Variants in RCN2 observed in about 807,000 individuals in gnomAD.
The protein encoded by RCN2 is reticulocalbin-2.
RCN2 carries 23 observed loss-of-function variants against 37.5 expected under a neutral mutation model. That is an observed-to-expected ratio of 0.61 (90% confidence interval 0.44 to 0.87). The LOEUF is 0.87. Among genes scored for constraint, RCN2 ranks in the 40% least tolerant of loss-of-function variants. RCN2 has a pLI of 0.00. For missense variants in RCN2, 381 were observed against 390.4 expected, an observed-to-expected ratio of 0.98 and a Z score of 0.20; for synonymous variants, 140 against 144.6, an observed-to-expected ratio of 0.97 and a Z score of 0.23.
Position 76,931,898 on chromosome 15 carries a change from G to A in RCN2, c.57G>A (p.Ala19=), listed in dbSNP as rs756265024. 6 of 1,321,038 alleles carry A rather than the reference G, an allele frequency of 4.5e-6. No individual in the cohort carries two copies. The highest frequency in any genetic ancestry group is 1.9e-5 in the South Asian group (1 of 52,326). 81.8% of individuals were successfully genotyped at this position (1,321,038 alleles called of 1,614,324 possible). The change falls in exon 1 of 7, where the codon GCG becomes GCA. Residue 19 remains alanine, a synonymous_variant. Coordinates refer to ENST00000394885, the MANE Select transcript of RCN2 (RefSeq NM_002902.3). ...ALGLLLLCAA[A]AGAGKAEELH... is the part of the protein sequence containing the mutation. Reference sequence around the variant, plus strand: ...GGCTGCTGCTGCTGTGCGCCGCCGCGGCCGGCGCCGGCAAGGCCGAGGAGC... The same window carrying A: ...GGCTGCTGCTGCTGTGCGCCGCCGCAGCCGGCGCCGGCAAGGCCGAGGAGC...
intron 2 of RCN2, among the ~76,000 whole-genome samples, chr15:76,933,999 T>G (rs2075236263): frequency 6.6e-6 from 1 of 152,182 alleles, no homozygotes; most frequent in Non-Finnish European, 1.5e-5. Context: ...TAGTGATGAT[T>G]ATAATTGCAT....
chr15:76,935,658 A>G lies in RCN2; in HGVS notation c.383A>G (p.Asp128Gly). 6.2e-7 allele frequency: 1 copy of G among 1,614,072 alleles called. No individual in the cohort carries two copies. Among genetic ancestry groups the G allele is most frequent in the Middle Eastern group, 1.6e-4 (1 of 6,062 alleles). The change falls in exon 3 of 7, where the codon GAT (aspartate) becomes GGT (glycine). Residue 128 changes from aspartate (D) to glycine (G), a missense_variant. Asp to Gly is a moderately conservative substitution (Grantham distance 94, BLOSUM62 -1). Transcript: ENST00000394885. The stretch of plus-strand genomic sequence containing the variant: ...GATGAATATAACATTCAGATGTATG[A>G]TCGTGTGATTGACTTTGATGAGAAC... ...TWDEYNIQMY[D>G]RVIDFDENTA... is the part of the protein sequence containing the mutation.
intron 3 of RCN2, chr15:76,938,939 G>A (rs1160041771): frequency 8.6e-6 from 3 of 350,666 alleles, no homozygotes; most frequent in Non-Finnish European, 1.8e-5. Context: ...AGCCAAGGTG[G>A]GAGAATCACT....
intron 2 of RCN2, among the ~76,000 whole-genome samples, chr15:76,933,881 C>T (rs1192732202): frequency 6.6e-6 from 1 of 152,192 alleles, no homozygotes; most frequent in African/African-American, 2.4e-5. Context: ...GGTAGCAAAA[C>T]TCAGTAGGAG....
intron 6 of RCN2, chr15:76,948,866 G>T: frequency 1.7e-6 from 1 of 590,222 alleles, no homozygotes. Flanking sequence ...AGTGGAGAGA[G>T]ACAGAACCCA....
intron 3 of RCN2, 22 bp downstream of exon 3, chr15:76,935,744 G>T (rs1176143867): frequency 6.3e-7 from 1 of 1,583,510 alleles, no homozygotes. Context: ...TGCACAAGCT[G>T]TTTCTTTTGA....
chr15:76,932,531 C>G, intron 2 of RCN2, 65 bp downstream of exon 2: 1 of 1,106,276 alleles, frequency 9.0e-7, no homozygotes, highest in South Asian at 1.3e-5. Flanking sequence ...GCGGTGTCTG[C>G]TGAATGTATA....
rs549325285 is a variant in RCN2 at position 76,949,971 on chromosome 15, T to A, written c.*749T>A. On this transcript the variant is annotated 3_prime_UTR_variant, in exon 7 of 7. Transcript: ENST00000394885. ...ATTTAGCATAGGTTTTGTGGTATTG[T>A]ACATTATCTTGCCTCATCCATTCCT... 661 of 152,774 alleles carry A rather than the reference T, an allele frequency of 4.3e-3. 7 individuals are homozygous for A. Among genetic ancestry groups the A allele is most frequent in the African/African-American group, 0.015 (629 of 41,584 alleles). The allele number at this position is 152,774 out of a possible 1,614,324, so 9.5% of individuals were successfully genotyped here.
chr15:76,947,551 G>C (rs1596007119), intron 5 of RCN2, 34 bp downstream of exon 5: 2 of 1,338,482 alleles, frequency 1.5e-6, no homozygotes, highest in East Asian at 4.6e-5. Context: ...AAAGAGAAAA[G>C]GAATTGAAGA....
rs1164434395 is a variant in RCN2 at position 76,932,004 on chromosome 15, T to G, written c.144+19T>G. 2 of 1,252,354 alleles carry G rather than the reference T, an allele frequency of 1.6e-6. No individual in the cohort carries two copies. Among genetic ancestry groups the G allele is most frequent in the Non-Finnish European group, 1.0e-6 (1 of 1,002,214 alleles). 77.6% of individuals were successfully genotyped at this position (1,252,354 alleles called of 1,614,324 possible). On this transcript the variant is annotated intron_variant, in intron 1 of 6. Transcript: ENST00000394885. ...CGTCCAGGTGAGGCGGCCAGGCCGGTGCTGGGAGGGCCGGGCCTCGCACCG... is the reference window on the plus strand; with the variant it reads ...CGTCCAGGTGAGGCGGCCAGGCCGGGGCTGGGAGGGCCGGGCCTCGCACCG...
intron 3 of RCN2, among the ~76,000 whole-genome samples, chr15:76,936,394 G>C (rs1047820649): frequency 7.9e-5 from 12 of 152,084 alleles, no homozygotes; most frequent in Non-Finnish European, 1.8e-4. Context: ...TGTGGCGGGG[G>C]GGTGGGGAAT....
intron 3 of RCN2, among the ~76,000 whole-genome samples, chr15:76,938,007 G>A (rs1231869552): frequency 6.6e-6 from 1 of 152,080 alleles, no homozygotes; most frequent in African/African-American, 2.4e-5. Flanking sequence ...CAGAGTACAT[G>A]TGATATTTTG....
Position 76,951,448 on chromosome 15 carries a change from A to G in RCN2, c.*2226A>G, listed in dbSNP as rs960138053. 2 of 152,206 alleles carry G rather than the reference A, an allele frequency of 1.3e-5. No individual in the cohort carries two copies. The highest frequency in any genetic ancestry group is 4.8e-5 in the African/African-American group (2 of 41,458). The allele number at this position is 152,206 out of a possible 1,614,324, so 9.4% of individuals were successfully genotyped here. The stretch of plus-strand genomic sequence containing the variant: ...TCCACAGTGGGCTTTGTATGATCAA[A>G]AAATAAGCTTTTAATTATGTTAAGC... On this transcript the variant is annotated 3_prime_UTR_variant, in exon 7 of 7. Transcript: ENST00000394885.
In RCN2 at chr15:76,953,597, T is replaced by TA. The variant is rs2075334103; in HGVS notation, c.*4375_*4376insA. On this transcript the variant is annotated 3_prime_UTR_variant, in exon 7 of 7. Coordinates refer to ENST00000394885, the MANE Select transcript of RCN2 (RefSeq NM_002902.3). The stretch of plus-strand genomic sequence containing the variant: ...TATATATATATATATATATATATTT[T>TA]TTTTTTTTTTTTTTTTTTTTTTTTT... 2.6e-5 allele frequency: 1 copy of TA among 38,112 alleles called. No homozygotes were observed. Among genetic ancestry groups the TA allele is most frequent in the Non-Finnish European group, 4.8e-5 (1 of 20,906 alleles). 2.4% of individuals were successfully genotyped at this position (38,112 alleles called of 1,614,324 possible).
intron 2 of RCN2, 27 bp from the exon 3 acceptor site, chr15:76,935,499 G>A (rs1397684790): frequency 7.7e-6 from 12 of 1,559,998 alleles, no homozygotes; most frequent in Non-Finnish European, 1.1e-5. Context: ...AACGTCACAT[G>A]CGTTGTGTTC....
chr15:76,932,359 A>G lies in RCN2; in HGVS notation c.145-2A>G. The G allele has an allele frequency of 6.2e-7, 1 of 1,610,748 alleles. No individual in the cohort carries two copies. Among genetic ancestry groups the G allele is most frequent in the Non-Finnish European group, 8.5e-7 (1 of 1,177,130 alleles). On this transcript the variant is annotated splice_acceptor_variant, in intron 1 of 6. Transcript: ENST00000394885. LOFTEE classifies it high-confidence loss of function. ...CCTCCTGTGTGTCGCTTCCCCCTAA[A>G]GGAAGATGTGGATGAATATGTTAAA...
intron 4 of RCN2, among the ~76,000 whole-genome samples, chr15:76,945,005 T>G (rs2075291353): frequency 6.6e-6 from 1 of 152,216 alleles, no homozygotes; most frequent in Non-Finnish European, 1.5e-5. Flanking sequence ...AACCAAAACT[T>G]TAAAACCTGT....
At chr15:76,932,911 T>C (rs1304627168) in intron 2 of RCN2, among the ~76,000 whole-genome samples, 10 of 152,192 alleles carry the variant, frequency 6.6e-5, no homozygotes, top group Admixed American at 6.5e-4. Context: ...TATAACATTA[T>C]ACCAAAATGT....
intron 2 of RCN2, among the ~76,000 whole-genome samples, chr15:76,934,881 T>A (rs1274122790): frequency 6.6e-6 from 1 of 152,194 alleles, no homozygotes; most frequent in Non-Finnish European, 1.5e-5. Context: ...ACATTTTTTT[T>A]AAAAGTAAAG....
Sources: gnomAD v4.1 joint callset for allele counts (sites outside exome capture counted in the v4.1 genomes callset) on GRCh38, gnomAD v4.1.1 for gene constraint, MANE v1.5 for transcripts, NCBI Gene and HGNC (gene_info 2026-07-23, HGNC 2026-07-21) for gene names.